The following USP13 variants were observed in gnomAD, a reference collection of about 807,000 sequenced individuals.
The protein encoded by USP13 is ubiquitin specific peptidase 13, also known as ubiquitin carboxyl-terminal hydrolase 13.
USP13 carries 68 observed loss-of-function variants against 107.8 expected under a neutral mutation model. That is an observed-to-expected ratio of 0.63 (90% CI 0.52 to 0.77). The LOEUF (loss-of-function observed/expected upper bound fraction) is 0.77, where lower values mean the gene tolerates loss of function less well. Among genes scored for constraint, USP13 ranks in the 30% least tolerant of loss-of-function variants. USP13 has a pLI of 0.00. For synonymous variants in USP13, 377 were observed against 389.5 expected, an observed-to-expected ratio of 0.97 and a Z score of 0.38; for missense variants, 945 against 1,093.3, an observed-to-expected ratio of 0.86 and a Z score of 1.91.
intron 13 of USP13, among the ~76,000 whole-genome samples, chr3:179,750,302 G>GTATATATATATATATATATATA (rs1456279754): frequency 9.0e-6 from 1 of 111,050 alleles, no homozygotes; most frequent in African/African-American, 3.2e-5. Context: ...ATATATGTGT[G>GTATATATATATATATATATATA]TGTATATATA....
intron 4 of USP13, 71 bp downstream of exon 4, chr3:179,701,200 T>G (rs1712508481): frequency 1.4e-5 from 5 of 365,222 alleles, no homozygotes; most frequent in African/African-American, 1.4e-4. Flanking sequence ...GTGTGCGATG[T>G]GTGTGTGCGG....
chr3:179,728,287 G>T (rs899045195), intron 8 of USP13, among the ~76,000 whole-genome samples: 1 of 147,136 alleles, frequency 6.8e-6, no homozygotes, highest in Non-Finnish European at 1.5e-5. Flanking sequence ...CGGGCGGAGG[G>T]TCTCCTCACT....
Position 179,742,315 on chromosome 3 carries a change from A to G in USP13, c.1499A>G (p.Gln500Arg), listed in dbSNP as rs763178108. ...ACGGAGAGGGTGGATTACCTGATGC[A>G]GTTACCTGTGGCCATGGAGGCGGCA... ...RYTERVDYLM[Q>R]LPVAMEAATN... Residue 500 changes from glutamine (Q) to arginine (R), a missense_variant, in exon 12 of 21, where the codon CAG (glutamine) becomes CGG (arginine). By Grantham distance (43) the Gln-to-Arg change is conservative. Coordinates refer to ENST00000263966, the MANE Select transcript of USP13 (RefSeq NM_003940.3). This position sits in a 1 kb window ranked among gnomAD's most constrained non-coding sequence, Gnocchi z 5.0. 7 of 1,614,236 alleles carry G rather than the reference A, an allele frequency of 4.3e-6. No individual in the cohort carries two copies. The highest frequency in any genetic ancestry group is 4.5e-5 in the East Asian group (2 of 44,886).
At chr3:179,720,082 G>T (rs763241663) in intron 7 of USP13, 48 bp downstream of exon 7, 2 of 1,438,714 alleles carry the variant, frequency 1.4e-6, no homozygotes, top group South Asian at 2.6e-5. Context: ...GGGTAGGGGT[G>T]GGGAGACGGC....
chr3:179,739,080 C>T (rs1054673537), intron 10 of USP13, among the ~76,000 whole-genome samples: 4 of 152,174 alleles, frequency 2.6e-5, no homozygotes, highest in African/African-American at 9.7e-5. Context: ...AACTGTTATA[C>T]CACCCTCAGG....
At chr3:179,733,439 C>T (rs971663085) in intron 10 of USP13, among the ~76,000 whole-genome samples, 1 of 152,192 alleles carries the variant, frequency 6.6e-6, no homozygotes, top group Non-Finnish European at 1.5e-5. Context: ...GCAAAAATCT[C>T]CACTTTCCTT....
intron 11 of USP13, 105 bp downstream of exon 11, chr3:179,740,477 C>A: frequency 6.6e-7 from 1 of 1,514,814 alleles, no homozygotes; most frequent in Non-Finnish European, 9.0e-7. Flanking sequence ...CACTCTCTTT[C>A]TTCAATCTCT....
intron 6 of USP13, 121 bp downstream of exon 6, chr3:179,709,078 C>A: frequency 8.5e-7 from 1 of 1,177,520 alleles, no homozygotes; most frequent in Non-Finnish European, 1.2e-6. Flanking sequence ...GGTTTGAATT[C>A]TAATTCTGCC....
At chr3:179,671,206 C>T (rs575917658) in intron 1 of USP13, among the ~76,000 whole-genome samples, 87 of 152,174 alleles carry the variant, frequency 5.7e-4, no homozygotes, top group African/African-American at 2.0e-3. Flanking sequence ...CACTGCATTT[C>T]TGGGCAACAG....
At chr3:179,709,128 C>T (rs969716489) in intron 6 of USP13, among the ~76,000 whole-genome samples, 171 bp downstream of exon 6, 5 of 152,172 alleles carry the variant, frequency 3.3e-5, no homozygotes, top group East Asian at 1.9e-4. Context: ...TTTCTAATCT[C>T]CCTAAGCTTT....
At chr3:179,777,245 A>G (rs1351183461) in intron 19 of USP13, among the ~76,000 whole-genome samples, 1 of 151,992 alleles carries the variant, frequency 6.6e-6, no homozygotes, top group East Asian at 1.9e-4. Flanking sequence ...AGTGGGATGT[A>G]TGGATTTGTC....
At position 179,707,087 on chromosome 3, in the gene USP13, GA is replaced by G. The variant is rs1195130204; in HGVS notation, c.620+12del. On this transcript the variant is annotated intron_variant, in intron 5 of 20. Transcript: ENST00000263966. ...CAGGATTCCTCCAAGGTGAGAGTCAGATAGCAGAATGGAACTTTACTCCCTA... is the reference window on the plus strand; with the variant it reads ...CAGGATTCCTCCAAGGTGAGAGTCAGTAGCAGAATGGAACTTTACTCCCTA... 2 of 1,610,614 alleles carry G rather than the reference GA, an allele frequency of 1.2e-6. No homozygotes were observed. The highest frequency in any genetic ancestry group is 1.3e-5 in the African/African-American group (1 of 74,782).
chr3:179,767,661 C>T (rs1715221155), intron 19 of USP13, among the ~76,000 whole-genome samples: 1 of 152,144 alleles, frequency 6.6e-6, no homozygotes, highest in South Asian at 2.1e-4. Flanking sequence ...ATTTGTGTCT[C>T]CCATTTGACT....
At chr3:179,730,151 C>A in intron 8 of USP13, 38 bp from the exon 9 acceptor site, 1 of 1,563,790 alleles carries the variant, frequency 6.4e-7, no homozygotes, top group Non-Finnish European at 8.8e-7. Flanking sequence ...GTTCTTCTTG[C>A]AGTTGCTATG....
chr3:179,754,524 G>A lies in USP13; in HGVS notation c.1799-208G>A, dbSNP rs1243503497. Among the ~76,000 whole-genome samples the A allele has an allele frequency of 2.0e-5, 3 of 152,310 alleles. No homozygotes were observed. The East Asian group carries it at 5.8e-4, about 29-fold the overall frequency. On this transcript the variant is annotated intron_variant, in intron 14 of 20. Coordinates refer to ENST00000263966, the MANE Select transcript of USP13 (RefSeq NM_003940.3). ...TAAATGATTTGCTCTTGTTTGGGGT[G>A]AAATCCTGCCACCCACTGTATTTTT...
chr3:179,760,743 G>A (rs556883856), intron 16 of USP13, among the ~76,000 whole-genome samples: 1 of 152,276 alleles, frequency 6.6e-6, no homozygotes, highest in South Asian at 2.1e-4. Context: ...AGGCTTTTAG[G>A]CCTGTAGATA....
intron 19 of USP13, among the ~76,000 whole-genome samples, chr3:179,774,159 A>G (rs1415459763): frequency 6.6e-6 from 1 of 152,152 alleles, no homozygotes; most frequent in African/African-American, 2.4e-5. Flanking sequence ...AGCGAGAGAG[A>G]AGAGGTGTCA....
In USP13 at chr3:179,788,834, A is replaced by G. The variant is rs1414254556; in HGVS notation, c.*4693A>G. Reference sequence around the variant, plus strand: ...AAGTATCTAAATAGACAGAAACAACACAAATATTTTTGCTGGAGTCAGGAG... The same window carrying G: ...AAGTATCTAAATAGACAGAAACAACGCAAATATTTTTGCTGGAGTCAGGAG... On this transcript the variant is annotated 3_prime_UTR_variant, in exon 21 of 21. Coordinates refer to ENST00000263966, the MANE Select transcript of USP13 (RefSeq NM_003940.3). 1 of 152,252 alleles carries G rather than the reference A, an allele frequency of 6.6e-6. No individual in the cohort carries two copies. 9.4% of individuals were successfully genotyped at this position (152,252 alleles called of 1,614,324 possible).
Position 179,765,844 on chromosome 3 carries a change from T to C in USP13, c.2409T>C (p.Ser803=), listed in dbSNP as rs758503265. The part of the protein sequence containing the change: ...KPEGPRVKDG[S]GTYELFAFIS... The stretch of plus-strand genomic sequence containing the variant: ...AAGGACCTAGAGTCAAGGATGGATC[T>C]GGAAGTAAGTTCTTGCCTTAGAGGC... The change falls in exon 19 of 21, where the codon TCT becomes TCC. Residue 803 remains serine, a synonymous_variant. Transcript: ENST00000263966. 3 of 1,613,986 alleles carry C rather than the reference T, an allele frequency of 1.9e-6. No individual in the cohort carries two copies. Among genetic ancestry groups the C allele is most frequent in the Non-Finnish European group, 2.5e-6 (3 of 1,179,924 alleles).
Sources: allele counts gnomAD v4.1 joint callset (sites outside exome capture counted in the v4.1 genomes callset), GRCh38; gene constraint gnomAD v4.1.1; non-coding constraint Gnocchi (gnomAD v3.1); transcripts MANE v1.5; gene names NCBI Gene and HGNC (gene_info 2026-07-23, HGNC 2026-07-21).